Variants in ATXN2 observed in about 807,000 individuals in gnomAD.
ATXN2 encodes the protein ataxin 2.
ATXN2 carries 37 observed loss-of-function variants against 138.6 expected under a neutral mutation model. The ratio of observed to expected loss-of-function variants is 0.27; its 90% CI spans 0.21 to 0.35. The LOEUF (loss-of-function observed/expected upper bound fraction) is 0.35, where lower values mean the gene tolerates loss of function less well. ATXN2 is among the 10% of genes least tolerant of loss of function. The pLI, the probability that ATXN2 is intolerant of heterozygous loss-of-function variation, is 1.00. For missense variants in ATXN2, 1,216 were observed against 1,480.3 expected (o/e 0.82, Z 2.93); for synonymous variants, 549 against 543.7 (o/e 1.01, Z -0.13).
chr12:111,458,901 G>A (rs1411147855), intron 21 of ATXN2, among the ~76,000 whole-genome samples: 2 of 152,166 alleles, frequency 1.3e-5, no homozygotes, highest in Non-Finnish European at 2.9e-5. Context: ...GTAGGGCTAA[G>A]GGCCACCAAC....
At chr12:111,542,226 G>A (rs189225633) in intron 5 of ATXN2, among the ~76,000 whole-genome samples, 77 of 150,784 alleles carry the variant, frequency 5.1e-4, no homozygotes, top group Non-Finnish European at 8.5e-4. Flanking sequence ...TTATCCCCAT[G>A]TCCTATGCTT....
intron 10 of ATXN2, among the ~76,000 whole-genome samples, chr12:111,514,379 C>T (rs769859916): frequency 1.3e-5 from 2 of 152,214 alleles, no homozygotes; most frequent in Non-Finnish European, 2.9e-5. Flanking sequence ...AAAGAGTGGA[C>T]AGAATGGCCC....
intron 9 of ATXN2, among the ~76,000 whole-genome samples, chr12:111,517,204 G>C (rs929287171): frequency 2.6e-5 from 4 of 152,064 alleles, no homozygotes; most frequent in Admixed American, 2.0e-4. Context: ...TTATCAAACA[G>C]TCCAGGTCTC....
At chr12:111,464,555 G>T in intron 21 of ATXN2, 107 bp downstream of exon 21, 2 of 805,344 alleles carry the variant, frequency 2.5e-6, no homozygotes, top group South Asian at 4.4e-5. Context: ...TCAATAATTT[G>T]ACTGGCACAA....
intron 11 of ATXN2, chr12:111,513,135 C>G: frequency 2.0e-6 from 1 of 504,902 alleles, no homozygotes; most frequent in Non-Finnish European, 3.4e-6. Flanking sequence ...ACTTTACTCA[C>G]TGCGAAATCT....
At chr12:111,487,244 A>G (rs778247703) in intron 15 of ATXN2, among the ~76,000 whole-genome samples, 5 of 151,868 alleles carry the variant, frequency 3.3e-5, no homozygotes, top group Admixed American at 6.6e-5. Context: ...ACGCCCAGCT[A>G]ATTTTTTTTA....
intron 21 of ATXN2, among the ~76,000 whole-genome samples, chr12:111,459,226 C>A (rs375333992): frequency 1.3e-5 from 2 of 152,282 alleles, no homozygotes; most frequent in South Asian, 4.2e-4. Context: ...AACGATGAAG[C>A]CTTCCTGAGC....
intron 14 of ATXN2, among the ~76,000 whole-genome samples, chr12:111,506,247 C>T (rs540393535): frequency 6.6e-6 from 1 of 152,162 alleles, no homozygotes; most frequent in South Asian, 2.1e-4. Context: ...CTAAACTGGG[C>T]ACGGGGTTTC....
chr12:111,493,949 T>C (rs1387066577), intron 14 of ATXN2, among the ~76,000 whole-genome samples: 1 of 148,642 alleles, frequency 6.7e-6, no homozygotes, highest in Non-Finnish European at 1.5e-5. Flanking sequence ...GTATTGTTTT[T>C]TGAGACAGTC....
intron 5 of ATXN2, among the ~76,000 whole-genome samples, chr12:111,547,792 A>C (rs1881889101): frequency 1.3e-5 from 2 of 151,278 alleles, no homozygotes; most frequent in South Asian, 2.1e-4. Context: ...AAAAAAAAAA[A>C]AAACTTGAAC....
chr12:111,544,570 G>C (rs536354782), intron 5 of ATXN2, among the ~76,000 whole-genome samples: 1 of 152,266 alleles, frequency 6.6e-6, no homozygotes, highest in Admixed American at 6.5e-5. Flanking sequence ...CACATGATAG[G>C]AGGGAACTTG....
chr12:111,459,492 G>C (rs1875391403), intron 21 of ATXN2, among the ~76,000 whole-genome samples: 1 of 152,252 alleles, frequency 6.6e-6, no homozygotes, highest in Non-Finnish European at 1.5e-5. Context: ...CCAGGCTGGA[G>C]TGCAGGGGCA....
chr12:111,597,475 G>T (rs1426083698), intron 1 of ATXN2, among the ~76,000 whole-genome samples: 1 of 152,198 alleles, frequency 6.6e-6, no homozygotes, highest in Non-Finnish European at 1.5e-5. Flanking sequence ...AAGGGAAATG[G>T]ACTTGCGTGC....
chr12:111,506,743 C>T lies in ATXN2; in HGVS notation c.1935+2806G>A, dbSNP rs539405174. ...AAGCTAGACTGTACTGCTGCCATCT[C>T]GGCTCACTGCAACCTCCCTGCCTGA... On this transcript the variant is annotated intron_variant, in intron 14 of 24. Transcript: ENST00000673436. Among the ~76,000 whole-genome samples the T allele has an allele frequency of 3.3e-4, 50 of 151,310 alleles. No homozygotes were observed. The South Asian group carries it at 9.7e-3, about 29-fold the overall frequency.
In ATXN2 at chr12:111,453,080, T is replaced by C; in HGVS notation, c.3440-240A>G. The C allele has an allele frequency of 7.8e-7, 1 of 1,281,594 alleles. No homozygotes were observed. Among genetic ancestry groups the C allele is most frequent in the Non-Finnish European group, 9.8e-7 (1 of 1,016,212 alleles). 79.4% of individuals were successfully genotyped at this position (1,281,594 alleles called of 1,614,324 possible). A position where few individuals can be genotyped will look rare whatever the true frequency, so the allele number is the denominator to read the frequency against. ...ACTCCCAGAAGACTTGTTCATGGGG[T>C]AGAAAAAAAGGCCTTAACAAACCCC... On this transcript the variant is annotated intron_variant, in intron 24 of 24. Transcript: ENST00000673436. The surrounding 1 kb of genome is among the most constrained non-coding windows in gnomAD (Gnocchi z 5.4).
chr12:111,452,899 G>A (rs1234571640), intron 24 of ATXN2, 59 bp from the exon 25 acceptor site: 1 of 1,536,878 alleles, frequency 6.5e-7, no homozygotes, highest in African/African-American at 1.4e-5. Context: ...CATCAGCCTA[G>A]TGTCTCTGCA....
intron 21 of ATXN2, chr12:111,458,157 T>G (rs979731394): frequency 6.6e-6 from 1 of 150,976 alleles, no homozygotes; most frequent in Non-Finnish European, 1.5e-5. Flanking sequence ...TTGTTTTTTG[T>G]TTTTTTTTGA....
chr12:111,545,560 T>C (rs563258778), intron 5 of ATXN2, among the ~76,000 whole-genome samples: 1 of 150,782 alleles, frequency 6.6e-6, no homozygotes, highest in East Asian at 2.0e-4. Context: ...CGAGACTCCA[T>C]CTAAAAAAAA....
chr12:111,554,789 G>T (rs1882302879), intron 2 of ATXN2, among the ~76,000 whole-genome samples: 1 of 152,136 alleles, frequency 6.6e-6, no homozygotes, highest in Non-Finnish European at 1.5e-5. Context: ...CTGATTGTAT[G>T]CAATTGTTAA....
Sources: gnomAD v4.1 joint callset for allele counts (sites outside exome capture counted in the v4.1 genomes callset) on GRCh38, gnomAD v4.1.1 for gene constraint, Gnocchi (gnomAD v3.1) non-coding constraint, MANE v1.5 for transcripts, NCBI Gene and HGNC (gene_info 2026-07-23, HGNC 2026-07-21) for gene names.